Variants in DOCK1 observed in about 807,000 individuals in gnomAD.
The protein encoded by DOCK1 is dedicator of cytokinesis 1.
A neutral mutation model predicts 262.7 loss-of-function variants in DOCK1; 138 were observed. That is an observed-to-expected ratio of 0.53 (90% CI 0.46 to 0.61). The LOEUF (loss-of-function observed/expected upper bound fraction) is 0.61, where lower values mean the gene tolerates loss of function less well. Among genes scored for constraint, DOCK1 ranks in the 20% least tolerant of loss-of-function variants. The probability of loss-of-function intolerance (pLI) is 0.00; values close to 1 mark genes in which losing one functional copy is unlikely to be tolerated. For missense variants in DOCK1, 1,908 were observed against 2,370.7 expected (o/e 0.80, Z 4.05); for synonymous variants, 866 against 867.4 (o/e 1.00, Z 0.03).
intron 29 of DOCK1, among the ~76,000 whole-genome samples, chr10:127,264,608 G>C (rs189648774): frequency 6.6e-6 from 1 of 152,230 alleles, no homozygotes; most frequent in Non-Finnish European, 1.5e-5. Context: ...GTTCTCACTG[G>C]TTGGTGAAAA....
chr10:126,974,160 C>A (rs1166810388), intron 2 of DOCK1, among the ~76,000 whole-genome samples: 1 of 152,104 alleles, frequency 6.6e-6, no homozygotes, highest in East Asian at 1.9e-4. Context: ...GGCCAGGCCC[C>A]AGTGTTGATT....
intron 1 of DOCK1, among the ~76,000 whole-genome samples, chr10:126,929,929 C>T (rs1257944504): frequency 2.6e-5 from 4 of 152,192 alleles, no homozygotes; most frequent in Admixed American, 2.6e-4. Context: ...TCTATCACTC[C>T]AAAGGAAAGC....
chr10:127,116,880 G>A (rs1355927513), intron 25 of DOCK1, among the ~76,000 whole-genome samples: 2 of 152,154 alleles, frequency 1.3e-5, no homozygotes, highest in South Asian at 2.1e-4. Context: ...TCTGATGAAC[G>A]GTACCAGCTG....
At chr10:127,347,406 G>T (rs1167098992) in intron 31 of DOCK1, among the ~76,000 whole-genome samples, 1 of 152,250 alleles carries the variant, frequency 6.6e-6, no homozygotes, top group Non-Finnish European at 1.5e-5. Flanking sequence ...GGCCCGTGGG[G>T]CTCAGCCGTG....
intron 22 of DOCK1, among the ~76,000 whole-genome samples, chr10:127,060,750 A>C (rs1368061551): frequency 6.6e-6 from 1 of 152,208 alleles, no homozygotes; most frequent in African/African-American, 2.4e-5. Context: ...TATTTATTGA[A>C]TATGTCCCAC....
chr10:127,433,161 T>G (rs2069416704), intron 47 of DOCK1, 122 bp from the exon 48 acceptor site: 1 of 1,370,536 alleles, frequency 7.3e-7, no homozygotes, highest in Non-Finnish European at 1.0e-6. Flanking sequence ...ATGTACTGTT[T>G]ACAGAAGTCT....
intron 32 of DOCK1, among the ~76,000 whole-genome samples, chr10:127,360,948 T>TTTTGA: frequency 6.6e-6 from 1 of 152,318 alleles, no homozygotes; most frequent in Non-Finnish European, 1.5e-5. Context: ...AGTGAGATGA[T>TTTTGA]GCTTTATCTT....
At chr10:126,907,118 C>T (rs7072503) in intron 1 of DOCK1, among the ~76,000 whole-genome samples, 150,949 of 152,276 alleles carry the variant, frequency 0.99, 74,841 homozygotes, top group East Asian at 1. Context: ...GGCCTTCAGT[C>T]TGCATCAGAG....
intron 46 of DOCK1, among the ~76,000 whole-genome samples, chr10:127,422,020 C>T (rs76523297): frequency 0.015 from 2,250 of 152,206 alleles, 50 homozygotes; most frequent in African/African-American, 0.046. Flanking sequence ...ATTGCTGGCT[C>T]ATGTGGTATT....
intron 1 of DOCK1, among the ~76,000 whole-genome samples, chr10:126,957,227 A>C (rs2036818230): frequency 5.3e-5 from 8 of 152,204 alleles, no homozygotes. Context: ...CAAAGAAACC[A>C]AATATTTTTT....
intron 10 of DOCK1, among the ~76,000 whole-genome samples, chr10:127,004,357 G>T (rs1209342547): frequency 6.6e-6 from 1 of 152,050 alleles, no homozygotes; most frequent in Non-Finnish European, 1.5e-5. Context: ...TTCATTATGT[G>T]ATCTGGCTAT....
chr10:127,241,050 G>A (rs528297111), intron 27 of DOCK1, among the ~76,000 whole-genome samples: 4 of 152,244 alleles, frequency 2.6e-5, no homozygotes, highest in South Asian at 2.1e-4. Flanking sequence ...TTGGCTGGGC[G>A]CGGTGGCTCA....
intron 23 of DOCK1, among the ~76,000 whole-genome samples, chr10:127,084,303 C>T (rs529218450): frequency 2.2e-4 from 33 of 152,254 alleles, no homozygotes; most frequent in African/African-American, 7.7e-4. Flanking sequence ...AATCTCTGAC[C>T]TTATTTTTGT....
chr10:126,941,723 C>G (rs1486810622), intron 1 of DOCK1, among the ~76,000 whole-genome samples: 1 of 151,984 alleles, frequency 6.6e-6, no homozygotes, highest in East Asian at 2.0e-4. Flanking sequence ...CCACTGCACT[C>G]CAGCCTGGGC....
chr10:126,930,106 A>G (rs2034078405), intron 1 of DOCK1, among the ~76,000 whole-genome samples: 2 of 152,192 alleles, frequency 1.3e-5, no homozygotes, highest in South Asian at 4.1e-4. Context: ...TAGCGTGCTT[A>G]TCCACACTGT....
In DOCK1 at chr10:127,044,156, T is replaced by G. The variant is rs187216410; in HGVS notation, c.2201+992T>G. On this transcript the variant is annotated intron_variant, in intron 21 of 51. Transcript: ENST00000623213. ...TTCTTTTTAGTGTGAGTAAATTTAG[T>G]TAAAACTCCCTTCTGTGTCTTCAAC... Among the ~76,000 whole-genome samples, 15 of 152,302 alleles carry G rather than the reference T, an allele frequency of 9.8e-5. No individual in the cohort carries two copies. The East Asian group carries it at 2.7e-3, about 27-fold the overall frequency.
At chr10:127,090,397 C>T (rs2047447405) in intron 23 of DOCK1, among the ~76,000 whole-genome samples, 1 of 151,898 alleles carries the variant, frequency 6.6e-6, no homozygotes, top group African/African-American at 2.4e-5. Context: ...CGGTGACTTG[C>T]TATCAGTATG....
intron 19 of DOCK1, among the ~76,000 whole-genome samples, chr10:127,039,766 C>T (rs2135600762): frequency 6.6e-6 from 1 of 152,238 alleles, no homozygotes; most frequent in East Asian, 1.9e-4. Flanking sequence ...TTATTCAGGA[C>T]CTCCCTTCTG....
intron 30 of DOCK1, among the ~76,000 whole-genome samples, chr10:127,339,733 G>GTGTGTGTGTGTGTGCATGCA (rs71032552): frequency 9.2e-6 from 1 of 109,230 alleles, no homozygotes; most frequent in Non-Finnish European, 1.9e-5. Flanking sequence ...GTGTGTGTGT[G>GTGTGTGTGTGTGTGCATGCA]TGCATGCTGT....
Sources: gnomAD v4.1 joint callset for allele counts (sites outside exome capture counted in the v4.1 genomes callset) on GRCh38, gnomAD v4.1.1 for gene constraint, MANE v1.5 for transcripts, NCBI Gene and HGNC (gene_info 2026-07-23, HGNC 2026-07-21) for gene names.